Variants in LRP1B observed in about 807,000 individuals in gnomAD.
LRP1B encodes the protein low-density lipoprotein receptor-related protein 1B.
A neutral mutation model predicts 556.6 loss-of-function variants in LRP1B; 217 were observed. The observed-to-expected ratio is 0.39, with a 90% CI of 0.35 to 0.44. The LOEUF is 0.44. LRP1B is among the 20% of genes least tolerant of loss of function. The pLI, the probability that LRP1B is intolerant of heterozygous loss-of-function variation, is 1.00. For missense variants in LRP1B, 5,053 were observed against 5,620.8 expected (o/e 0.90, Z 3.23); for synonymous variants, 2,047 against 1,865.8 (o/e 1.10, Z -2.50).
chr2:141,914,021 C>T (rs571492937), intron 1 of LRP1B, among the ~76,000 whole-genome samples: 48 of 152,266 alleles, frequency 3.2e-4, no homozygotes, highest in African/African-American at 1.1e-3. Context: ...GCTGGGATTA[C>T]AGACGTGAGC....
intron 25 of LRP1B, among the ~76,000 whole-genome samples, chr2:140,873,442 A>C (rs946340021): frequency 9.2e-5 from 14 of 152,130 alleles, no homozygotes; most frequent in Admixed American, 9.2e-4. Flanking sequence ...TTTCAAAGCT[A>C]AATTATAAAC....
intron 2 of LRP1B, among the ~76,000 whole-genome samples, chr2:141,579,724 C>CTTTTTTCTTTT: frequency 9.9e-6 from 1 of 101,002 alleles, no homozygotes; most frequent in Non-Finnish European, 1.8e-5. Context: ...TCAGGTTTCA[C>CTTTTTTCTTTT]TTTTTTTTTT....
chr2:140,522,776 C>T (rs150066358), intron 49 of LRP1B, among the ~76,000 whole-genome samples: 38 of 151,776 alleles, frequency 2.5e-4, no homozygotes, highest in Middle Eastern at 3.4e-3. Context: ...CTATTGTGAA[C>T]ATACTCTAAA....
intron 29 of LRP1B, among the ~76,000 whole-genome samples, chr2:140,846,326 T>C (rs896284488): frequency 6.6e-6 from 1 of 152,084 alleles, no homozygotes; most frequent in East Asian, 1.9e-4. Context: ...TTTCAGGACA[T>C]GTAGAATGAA....
chr2:141,486,048 G>A (rs1397657432), intron 2 of LRP1B, among the ~76,000 whole-genome samples: 1 of 152,098 alleles, frequency 6.6e-6, no homozygotes, highest in Non-Finnish European at 1.5e-5. Flanking sequence ...AGCAAGTATG[G>A]TAGTCCTCAT....
At chr2:141,597,221 T>C (rs1687556939) in intron 2 of LRP1B, among the ~76,000 whole-genome samples, 1 of 151,990 alleles carries the variant, frequency 6.6e-6, no homozygotes, top group Non-Finnish European at 1.5e-5. Flanking sequence ...TAATATTTCT[T>C]GGGTTTTCTC....
intron 58 of LRP1B, among the ~76,000 whole-genome samples, chr2:140,486,499 C>A (rs1207366510): frequency 6.6e-6 from 1 of 151,664 alleles, no homozygotes; most frequent in Non-Finnish European, 1.5e-5. Context: ...TTTATCTTTA[C>A]ATAACCTTAT....
At chr2:140,637,579 T>A (rs2105290600) in intron 41 of LRP1B, among the ~76,000 whole-genome samples, 1 of 152,320 alleles carries the variant, frequency 6.6e-6, no homozygotes, top group East Asian at 1.9e-4. Context: ...TTCAATTTTT[T>A]TTTTCCTAAA....
chr2:140,855,235 C>G (rs1692578476), intron 27 of LRP1B, among the ~76,000 whole-genome samples: 2 of 151,596 alleles, frequency 1.3e-5, no homozygotes, highest in African/African-American at 4.8e-5. Context: ...TGGTCACTGG[C>G]TCAATTTAGG....
chr2:140,253,040 G>A (rs1041412295), intron 86 of LRP1B, among the ~76,000 whole-genome samples: 2 of 152,032 alleles, frequency 1.3e-5, no homozygotes, highest in South Asian at 2.1e-4. Context: ...GACTGTTAAT[G>A]TTTTCTATGA....
Position 141,862,717 on chromosome 2 carries a change from T to A in LRP1B, c.83-52316A>T, listed in dbSNP as rs369873411. 4.6e-5 allele frequency among the ~76,000 whole-genome samples: 7 copies of A among 152,276 alleles called. No homozygotes were observed. The East Asian group carries it at 1.2e-3, about 25-fold the overall frequency. On this transcript the variant is annotated intron_variant, in intron 1 of 90. Transcript: ENST00000389484. ...CCACCTTGCCCAGCATGGACAGGTG[T>A]AAGCACCATGCCCAGCTGAAAATAA... is the stretch of plus-strand genomic sequence containing the variant.
At chr2:140,997,450 A>G in intron 15 of LRP1B, among the ~76,000 whole-genome samples, 1 of 151,822 alleles carries the variant, frequency 6.6e-6, no homozygotes, top group South Asian at 2.1e-4. Context: ...CTCAAGACAT[A>G]TTCCTGACCT....
At chr2:141,060,598 A>G (rs1574032588) in intron 8 of LRP1B, among the ~76,000 whole-genome samples, 1 of 151,934 alleles carries the variant, frequency 6.6e-6, no homozygotes, top group East Asian at 2.0e-4. Context: ...TGGGATATCA[A>G]CATTGTTGTC....
chr2:141,174,553 C>G (rs556417160), intron 7 of LRP1B, among the ~76,000 whole-genome samples: 1 of 152,206 alleles, frequency 6.6e-6, no homozygotes, highest in East Asian at 1.9e-4. Context: ...CTTGCTTTCT[C>G]TTCACCTTCT....
intron 3 of LRP1B, among the ~76,000 whole-genome samples, chr2:141,408,428 G>GCCA (rs766333522): frequency 2.0e-5 from 3 of 152,080 alleles, no homozygotes; most frequent in Non-Finnish European, 4.4e-5. Context: ...ACAGGCGTGA[G>GCCA]CCACCACACC....
At chr2:141,722,292 C>T (rs184590226) in intron 2 of LRP1B, among the ~76,000 whole-genome samples, 11 of 152,204 alleles carry the variant, frequency 7.2e-5, no homozygotes, top group Admixed American at 5.9e-4. Context: ...GCACGAGAAT[C>T]GCTTGAACCT....
At chr2:140,745,491 A>G (rs1688285796) in intron 35 of LRP1B, among the ~76,000 whole-genome samples, 1 of 152,150 alleles carries the variant, frequency 6.6e-6, no homozygotes, top group Non-Finnish European at 1.5e-5. Context: ...ATGAGCTCTC[A>G]TTTATTTCCT....
intron 2 of LRP1B, among the ~76,000 whole-genome samples, chr2:141,782,096 T>G (rs1218243235): frequency 6.6e-6 from 1 of 152,258 alleles, no homozygotes; most frequent in Admixed American, 6.6e-5. Context: ...GATACTTAAA[T>G]ATTAAATTAT....
At chr2:141,800,303 C>T (rs903205496) in intron 2 of LRP1B, among the ~76,000 whole-genome samples, 5 of 152,184 alleles carry the variant, frequency 3.3e-5, no homozygotes, top group African/African-American at 9.7e-5. Flanking sequence ...GAACTCCAGG[C>T]TGTATAGCAT....
Sources: gnomAD v4.1 joint callset for allele counts (sites outside exome capture counted in the v4.1 genomes callset) on GRCh38, gnomAD v4.1.1 for gene constraint, MANE v1.5 for transcripts, NCBI Gene and HGNC (gene_info 2026-07-23, HGNC 2026-07-21) for gene names.